Variants in CDK14 observed in about 807,000 individuals in gnomAD.
CDK14 encodes the protein cyclin-dependent kinase 14.
CDK14 carries 34 observed loss-of-function variants against 60.7 expected under a neutral mutation model. The observed-to-expected ratio is 0.56, with a 90% confidence interval of 0.43 to 0.75. CDK14 has a LOEUF of 0.75. Among genes scored for constraint, CDK14 ranks in the 30% least tolerant of loss-of-function variants. The probability of loss-of-function intolerance (pLI) is 0.00; values close to 1 mark genes in which losing one functional copy is unlikely to be tolerated. For missense variants in CDK14, 482 were observed against 564.1 expected, an observed-to-expected ratio of 0.85 and a Z score of 1.47; for synonymous variants, 197 against 203.7, an observed-to-expected ratio of 0.97 and a Z score of 0.28.
chr7:90,820,241 T>A (rs1275174248), intron 5 of CDK14, among the ~76,000 whole-genome samples: 2 of 152,134 alleles, frequency 1.3e-5, no homozygotes, highest in Non-Finnish European at 2.9e-5. Flanking sequence ...CTAAGAAGGT[T>A]TTCCTCTCTT....
At chr7:91,070,405 C>T (rs1260649303) in intron 11 of CDK14, among the ~76,000 whole-genome samples, 1 of 152,112 alleles carries the variant, frequency 6.6e-6, no homozygotes, top group Admixed American at 6.5e-5. Context: ...ATATTCTCAG[C>T]ATGAGAAGAA....
Sources: allele counts gnomAD v4.1 joint callset (sites outside exome capture counted in the v4.1 genomes callset), GRCh38; gene constraint gnomAD v4.1.1; transcripts MANE v1.5; gene names NCBI Gene and HGNC (gene_info 2026-07-23, HGNC 2026-07-21).